Variants in PCYT2 observed in about 807,000 individuals in gnomAD.
PCYT2 encodes phosphate cytidylyltransferase 2, ethanolamine.
A neutral mutation model predicts 50.0 loss-of-function variants in PCYT2; 33 were observed. The observed-to-expected ratio is 0.66, with a 90% CI of 0.50 to 0.88. The LOEUF (loss-of-function observed/expected upper bound fraction) is 0.88, where lower values mean the gene tolerates loss of function less well. PCYT2 is among the 40% of genes least tolerant of loss of function. PCYT2 has a pLI of 0.00. For missense variants in PCYT2, 430 were observed against 519.7 expected, an observed-to-expected ratio of 0.83 and a Z score of 1.68; for synonymous variants, 240 against 203.7, an observed-to-expected ratio of 1.18 and a Z score of -1.52.
chr17:81,905,371 GC>G lies in PCYT2; in HGVS notation c.969+10del. 6.4e-7 allele frequency: 1 copy of G among 1,553,034 alleles called. No individual in the cohort carries two copies. The highest frequency in any genetic ancestry group is 8.7e-7 in the Non-Finnish European group (1 of 1,147,366). On this transcript the variant is annotated intron_variant, in intron 11 of 12. Transcript: ENST00000538936. Reference sequence around the variant, plus strand: ...CAACCCCTGTGCCCAGCAAGGGCCAGCATGACCCACCTGGTATGGGTCGGAG... The same window carrying G: ...CAACCCCTGTGCCCAGCAAGGGCCAGATGACCCACCTGGTATGGGTCGGAG...
Position 81,904,334 on chromosome 17 carries a change from G to A in PCYT2, c.*499C>T, listed in dbSNP as rs1451253239. 1 of 157,018 alleles carries A rather than the reference G, an allele frequency of 6.4e-6. No homozygotes were observed. The highest frequency in any genetic ancestry group is 6.3e-5 in the Admixed American group (1 of 15,754). 9.7% of individuals were successfully genotyped at this position (157,018 alleles called of 1,614,324 possible). A position where few individuals can be genotyped will look rare whatever the true frequency, so the allele number is the denominator to read the frequency against. On this transcript the variant is annotated 3_prime_UTR_variant, in exon 13 of 13. Transcript: ENST00000538936. The stretch of plus-strand genomic sequence containing the variant: ...AGGAGAGTGGCGAAGCTGCCGGGAA[G>A]GAAGGCAAGCGTGTTTTCCTGGAGC...
In PCYT2 at chr17:81,908,701, C is replaced by T. The variant is rs146549922; in HGVS notation, c.341-67G>A. The T allele has an allele frequency of 1.6e-3, 2,292 of 1,419,706 alleles. 30 individuals are homozygous for T. The African/African-American group carries it at 0.029, about 18-fold the overall frequency. 87.9% of individuals were successfully genotyped at this position (1,419,706 alleles called of 1,614,324 possible). On this transcript the variant is annotated intron_variant, in intron 3 of 12. Coordinates refer to ENST00000538936, the MANE Select transcript of PCYT2 (RefSeq NM_002861.5). The stretch of plus-strand genomic sequence containing the variant: ...CCACCAGAACCTTCAGAGCCCAGGA[C>T]CCTCTCGGCCCCTGGCCTGCCCTAG...
In PCYT2 at chr17:81,911,373, G is replaced by A; in HGVS notation, c.-18C>T. Reference sequence around the variant, plus strand: ...CGGATCATGGCCCCGCAGCGGCGGCGCGGACAGCCTGGCAGCTCCCGGCGA... The same window carrying A: ...CGGATCATGGCCCCGCAGCGGCGGCACGGACAGCCTGGCAGCTCCCGGCGA... On this transcript the variant is annotated 5_prime_UTR_variant, in exon 1 of 13. Coordinates refer to ENST00000538936, the MANE Select transcript of PCYT2 (RefSeq NM_002861.5). 9.6e-7 allele frequency: 1 copy of A among 1,041,102 alleles called. No homozygotes were observed. Among genetic ancestry groups the A allele is most frequent in the Non-Finnish European group, 1.2e-6 (1 of 866,978 alleles). 64.5% of individuals were successfully genotyped at this position (1,041,102 alleles called of 1,614,324 possible).
At chr17:81,905,294 C>G in intron 11 of PCYT2, 88 bp downstream of exon 11, 1 of 1,365,104 alleles carries the variant, frequency 7.3e-7, no homozygotes, top group Non-Finnish European at 1.0e-6. Context: ...CCACCATGCC[C>G]GTTTCCCAGG....
In PCYT2 at chr17:81,902,260, C is replaced by A; in HGVS notation, c.*2573G>T. Reference sequence around the variant, plus strand: ...TCCGAGCCCGGACGCCGCCGCCCACCAGTCAGCCGGCGTCCCCATGGCCCG... The same window carrying A: ...TCCGAGCCCGGACGCCGCCGCCCACAAGTCAGCCGGCGTCCCCATGGCCCG... On this transcript the variant is annotated 3_prime_UTR_variant, in exon 13 of 13. Coordinates refer to ENST00000538936, the MANE Select transcript of PCYT2 (RefSeq NM_002861.5). The A allele has an allele frequency of 8.1e-7, 1 of 1,240,902 alleles. No individual in the cohort carries two copies. Among genetic ancestry groups the A allele is most frequent in the South Asian group, 3.4e-5 (1 of 29,134 alleles). The allele number at this position is 1,240,902 out of a possible 1,614,324, so 76.9% of individuals were successfully genotyped here.
At position 81,903,749 on chromosome 17, in the gene PCYT2, C is replaced by G. The variant is rs891351871; in HGVS notation, c.*1084G>C. The G allele has an allele frequency of 1.3e-5, 2 of 152,182 alleles. No individual in the cohort carries two copies. Among genetic ancestry groups the G allele is most frequent in the Non-Finnish European group, 2.9e-5 (2 of 68,040 alleles). The allele number at this position is 152,182 out of a possible 1,614,324, so 9.4% of individuals were successfully genotyped here. A position where few individuals can be genotyped will look rare whatever the true frequency, so the allele number is the denominator to read the frequency against. On this transcript the variant is annotated 3_prime_UTR_variant, in exon 13 of 13. Transcript: ENST00000538936. ...CAGCTCCTGTGCTGGGTCGTGAGGT[C>G]GACCTCACAACAGCAGAGGACAGGC...
At chr17:81,906,223 G>A (rs1409340094) in intron 8 of PCYT2, 46 bp from the exon 9 acceptor site, 6 of 1,496,268 alleles carry the variant, frequency 4.0e-6, no homozygotes, top group Non-Finnish European at 5.5e-6. Flanking sequence ...TTTTTGGGGG[G>A]ACAGGGTGTG....
At chr17:81,905,034 G>A (rs77809114) in intron 12 of PCYT2, 32 bp downstream of exon 12, 1 of 1,603,194 alleles carries the variant, frequency 6.2e-7, no homozygotes, top group Non-Finnish European at 8.5e-7. Context: ...GCGCCCATGA[G>A]GCGGCTCCGA....
At position 81,906,077 on chromosome 17, in the gene PCYT2, GCTGGCTCCTGGC is replaced by G; in HGVS notation, c.837+11_837+22del. On this transcript the variant is annotated intron_variant, in intron 9 of 12. Coordinates refer to ENST00000538936, the MANE Select transcript of PCYT2 (RefSeq NM_002861.5). ...TGTGGGAATGTCTCCCCATCCTTGG[GCTGGCTCCTGGC>G]CCCCACTCACCCGGCAGGCCAGCAC... 6.3e-7 allele frequency: 1 copy of G among 1,594,252 alleles called. No individual in the cohort carries two copies. Among genetic ancestry groups the G allele is most frequent in the Non-Finnish European group, 8.6e-7 (1 of 1,169,016 alleles).
intron 1 of PCYT2, among the ~76,000 whole-genome samples, chr17:81,910,288 T>G (rs950788120): frequency 2.6e-5 from 4 of 152,204 alleles, no homozygotes; most frequent in Non-Finnish European, 5.9e-5. Context: ...CTTCGCCACT[T>G]CTTTACAGCA....
chr17:81,905,089 G>C lies in PCYT2; in HGVS notation c.1035C>G (p.Ile345Met). Residue 345 changes from isoleucine to methionine, a missense_variant, in exon 12 of 13, where the codon ATC becomes ATG. By Grantham distance (10) the Ile-to-Met change is conservative. This residue lies in a region of PCYT2 where 248 missense variants were observed against 300.2 expected (regional missense o/e 0.83). Transcript: ENST00000538936. ...ACCTGTTGGTGATGATCCGCTGGAC[G>C]ATGAGGTCTGTGGTGAGGTTGCTGC... ...DSGSNLTTDL[I>M]VQRIITNRLE... The C allele has an allele frequency of 6.2e-7, 1 of 1,612,814 alleles. No individual in the cohort carries two copies.
At position 81,900,981 on chromosome 17, in the gene PCYT2, AT is replaced by A. The variant is rs1308092458; in HGVS notation, c.*3851del. ...TATGAAGAGTATATATGAAGAGTTT[AT>A]TGGGAGTATTGACTCACGTGATCAC... On this transcript the variant is annotated 3_prime_UTR_variant, in exon 13 of 13. Coordinates refer to ENST00000538936, the MANE Select transcript of PCYT2 (RefSeq NM_002861.5). The A allele has an allele frequency of 6.6e-6, 1 of 152,200 alleles. No individual in the cohort carries two copies. The highest frequency in any genetic ancestry group is 1.5e-5 in the Non-Finnish European group (1 of 68,024). 9.4% of individuals were successfully genotyped at this position (152,200 alleles called of 1,614,324 possible).
chr17:81,908,577 C>T lies in PCYT2; in HGVS notation c.398G>A (p.Gly133Glu). The T allele has an allele frequency of 6.2e-7, 1 of 1,613,300 alleles. No homozygotes were observed. Among genetic ancestry groups the T allele is most frequent in the East Asian group, 2.2e-5 (1 of 44,888 alleles). ...RDTYEEVKQA[G>E]RYRECKRTQG... ...CGCGGTGGAGACTCACCTGTACCTC[C>T]CAGCCTGCTTTACTTCCTCATAGGT... The change falls in exon 4 of 13, where the codon GGG becomes GAG. Residue 133 changes from glycine to glutamate, a missense_variant. Transcript: ENST00000538936.
chr17:81,907,072 AACCACAGCAGGC>A (rs1217497752), intron 6 of PCYT2, 174 bp from the exon 7 acceptor site: 7 of 1,049,974 alleles, frequency 6.7e-6, no homozygotes, highest in Non-Finnish European at 9.5e-6. Flanking sequence ...GCCACCCCAC[AACCACAGCAGGC>A]ACCGCAGCAG....
Position 81,905,118 on chromosome 17 carries a change from T to C in PCYT2, c.1006A>G (p.Ser336Gly). 2 of 1,613,416 alleles carry C rather than the reference T, an allele frequency of 1.2e-6. No homozygotes were observed. The highest frequency in any genetic ancestry group is 2.2e-5 in the East Asian group (1 of 44,878). The change falls in exon 12 of 13, where the codon AGT (serine) becomes GGT (glycine). Residue 336 changes from serine (S) to glycine (G), a missense_variant. Ser to Gly is a moderately conservative substitution (Grantham distance 56). This residue lies in a region of PCYT2 where 248 missense variants were observed against 300.2 expected (regional missense o/e 0.83). Transcript: ENST00000538936. ...AGGTCTGTGGTGAGGTTGCTGCCAC[T>C]GTCAATCTGACGGAAGATGCCCCTT... ...KRRGIFRQIDSGSNLTTDLIV... is the reference protein window; with the variant it reads ...KRRGIFRQIDGGSNLTTDLIV...
chr17:81,909,382 G>T, intron 2 of PCYT2, 132 bp downstream of exon 2: 1 of 1,443,892 alleles, frequency 6.9e-7, no homozygotes, highest in Non-Finnish European at 9.3e-7. Flanking sequence ...GGCTGGGCTG[G>T]GTGAGCCTAC....
rs1488707588 is a variant in PCYT2, at chr17:81,911,383, T to C, written c.-28A>G. The C allele has an allele frequency of 5.9e-6, 6 of 1,012,240 alleles. No individual in the cohort carries two copies. Among genetic ancestry groups the C allele is most frequent in the Non-Finnish European group, 7.0e-6 (6 of 852,314 alleles). 62.7% of individuals were successfully genotyped at this position (1,012,240 alleles called of 1,614,324 possible). ...CCCCGCAGCGGCGGCGCGGACAGCC[T>C]GGCAGCTCCCGGCGACTCCGAGCGC... On this transcript the variant is annotated 5_prime_UTR_variant, in exon 1 of 13. Transcript: ENST00000538936.
chr17:81,905,515 A>G, intron 10 of PCYT2, 68 bp from the exon 11 acceptor site: 1 of 1,490,584 alleles, frequency 6.7e-7, no homozygotes, highest in Non-Finnish European at 9.2e-7. Context: ...ACAGCCCAGC[A>G]CAGGCCCCGG....
intron 2 of PCYT2, 78 bp downstream of exon 2, chr17:81,909,436 C>A: frequency 1.3e-6 from 2 of 1,511,240 alleles, no homozygotes; most frequent in Non-Finnish European, 1.8e-6. Context: ...TGGCCCCAGG[C>A]CTGCAGGCTT....
Sources: gnomAD v4.1 joint callset for allele counts (sites outside exome capture counted in the v4.1 genomes callset) on GRCh38, gnomAD v4.1.1 for gene constraint, gnomAD v4.1.1 regional missense constraint, MANE v1.5 for transcripts, NCBI Gene and HGNC (gene_info 2026-07-23, HGNC 2026-07-21) for gene names.